Variants in ATL3 observed in about 807,000 individuals in gnomAD.
ATL3 encodes atlastin-3.
Under a neutral mutation model 69.5 loss-of-function variants are expected in ATL3, and 49 were observed. The ratio of observed to expected loss-of-function variants is 0.71; its 90% CI spans 0.56 to 0.89. The LOEUF is 0.89. Ranked by LOEUF, ATL3 falls within the 40% of genes least tolerant of loss-of-function variation. The probability of loss-of-function intolerance (pLI) is 0.00; values close to 1 mark genes in which losing one functional copy is unlikely to be tolerated. For synonymous variants in ATL3, 214 were observed against 224.1 expected (o/e 0.95, Z 0.40); for missense variants, 606 against 645.7 (o/e 0.94, Z 0.67).
chr11:63,652,099 A>G lies in ATL3; in HGVS notation c.511-113T>C, dbSNP rs1940096131. 7 of 1,471,276 alleles carry G rather than the reference A, an allele frequency of 4.8e-6. No homozygotes were observed. The South Asian group carries it at 5.6e-5, about 12-fold the overall frequency. The allele number at this position is 1,471,276 out of a possible 1,614,324, so 91.1% of individuals were successfully genotyped here. On this transcript the variant is annotated intron_variant, in intron 4 of 12. Coordinates refer to ENST00000398868, the MANE Select transcript of ATL3 (RefSeq NM_015459.5). ...CAATTAAAGACTTGCATATAAGAAC[A>G]TGAGGCCTGTTCAAACAGCAATATG...
chr11:63,630,824 C>T (rs2510839), intron 12 of ATL3, among the ~76,000 whole-genome samples: 1 of 148,444 alleles, frequency 6.7e-6, no homozygotes, highest in Non-Finnish European at 1.5e-5. Context: ...AAAAGCGGGG[C>T]GGGGGCCTTT....
intron 1 of ATL3, among the ~76,000 whole-genome samples, chr11:63,669,755 T>C (rs563268761): frequency 2.0e-5 from 3 of 152,034 alleles, no homozygotes; most frequent in African/African-American, 4.8e-5. Context: ...GAGACCAGCC[T>C]GGCCAACGTG....
intron 3 of ATL3, 51 bp from the exon 4 acceptor site, chr11:63,652,626 A>G: frequency 5.8e-6 from 8 of 1,372,434 alleles, no homozygotes; most frequent in Non-Finnish European, 8.2e-6. Context: ...GAAGGAGGAA[A>G]CCGTAAAGGA....
At chr11:63,645,032 G>C (rs1407713190) in intron 6 of ATL3, among the ~76,000 whole-genome samples, 1 of 152,122 alleles carries the variant, frequency 6.6e-6, no homozygotes, top group African/African-American at 2.4e-5. Flanking sequence ...AGTGAGGCGA[G>C]ATCACGCCAC....
intron 5 of ATL3, among the ~76,000 whole-genome samples, chr11:63,648,223 T>C (rs781211770): frequency 1.6e-4 from 24 of 152,188 alleles, no homozygotes; most frequent in Non-Finnish European, 3.2e-4. Flanking sequence ...GTCCACATAG[T>C]GAGCAGTGGG....
intron 1 of ATL3, among the ~76,000 whole-genome samples, chr11:63,670,705 A>G (rs1206367350): frequency 6.6e-6 from 1 of 152,256 alleles, no homozygotes. Flanking sequence ...TATGGGTTGA[A>G]AACCAACTTT....
intron 1 of ATL3, among the ~76,000 whole-genome samples, chr11:63,662,541 A>G (rs1257017079): frequency 5.3e-5 from 8 of 152,206 alleles, no homozygotes; most frequent in Admixed American, 5.2e-4. Context: ...GTGCAATGGC[A>G]CAATCTTGCC....
chr11:63,660,062 T>TA lies in ATL3; in HGVS notation c.47-811dup, dbSNP rs35361123. ...AAAAATAAATAAAATAAAATGTTGT[T>TA]AAAAAAAAAAAGACCCTGTCTCAAA... On this transcript the variant is annotated intron_variant, in intron 1 of 12. Transcript: ENST00000398868. Among the ~76,000 whole-genome samples the TA allele has an allele frequency of 7.1e-3, 1,010 of 141,288 alleles. 10 individuals carry two copies. Among genetic ancestry groups the TA allele is most frequent in the African/African-American group, 0.023 (886 of 38,726 alleles). The allele number at this position is 141,288 out of a possible 152,430, so 92.7% of individuals were successfully genotyped here. A position where few individuals can be genotyped will look rare whatever the true frequency, so the allele number is the denominator to read the frequency against.
rs567304524 is a variant in ATL3 at position 63,643,425 on chromosome 11, G to T, written c.782C>A (p.Thr261Asn). Reference protein sequence around the residue: ...NHIHSCFSDVTCFLLPHPGLQ... With the variant: ...NHIHSCFSDVNCFLLPHPGLQ... Reference sequence around the variant, plus strand: ...TCCTGGATGTGGTAAGAGAAAGCAGGTGACATCGGAGAAACATGAGTGAAT... The same window carrying T: ...TCCTGGATGTGGTAAGAGAAAGCAGTTGACATCGGAGAAACATGAGTGAAT... The change falls in exon 8 of 13, where the codon ACC (threonine) becomes AAC (asparagine). Residue 261 changes from threonine to asparagine, a missense_variant. Thr to Asn is a moderately conservative substitution (Grantham distance 65, BLOSUM62 0). Coordinates refer to ENST00000398868, the MANE Select transcript of ATL3 (RefSeq NM_015459.5). 8.7e-6 allele frequency: 14 copies of T among 1,612,824 alleles called. 1 individual carries two copies. In the East Asian group the frequency reaches 2.0e-4, roughly 23 times the overall value.
At chr11:63,668,731 C>G (rs949308593) in intron 1 of ATL3, among the ~76,000 whole-genome samples, 3 of 146,206 alleles carry the variant, frequency 2.1e-5, no homozygotes. Flanking sequence ...CTCAGTAACA[C>G]TTTTGTATCT....
At chr11:63,633,706 T>C (rs1235626827) in intron 10 of ATL3, among the ~76,000 whole-genome samples, 3 of 115,540 alleles carry the variant, frequency 2.6e-5, no homozygotes, top group Non-Finnish European at 3.4e-5. Context: ...CTTTAAGAAA[T>C]AGATGTGAGT....
At chr11:63,634,311 C>G (rs566575279) in intron 10 of ATL3, among the ~76,000 whole-genome samples, 2 of 151,822 alleles carry the variant, frequency 1.3e-5, no homozygotes, top group African/African-American at 4.8e-5. Flanking sequence ...TCGAGATCAT[C>G]CTGGCTAACA....
At chr11:63,636,103 C>T in intron 9 of ATL3, 104 bp downstream of exon 9, 2 of 1,465,700 alleles carry the variant, frequency 1.4e-6, no homozygotes, top group Admixed American at 4.2e-5. Flanking sequence ...ACCATCTCCC[C>T]CAGAAAATTT....
At chr11:63,659,319 A>C in intron 1 of ATL3, 67 bp from the exon 2 acceptor site, 1 of 1,431,846 alleles carries the variant, frequency 7.0e-7, no homozygotes, top group Non-Finnish European at 9.7e-7. Context: ...TATAGGGAAA[A>C]CAAAAACTTC....
At chr11:63,655,928 A>G (rs1371691292) in intron 3 of ATL3, among the ~76,000 whole-genome samples, 1 of 152,208 alleles carries the variant, frequency 6.6e-6, no homozygotes, top group Non-Finnish European at 1.5e-5. Context: ...ACATACAAAT[A>G]ACATGAACTA....
At chr11:63,661,900 G>A (rs75125604) in intron 1 of ATL3, among the ~76,000 whole-genome samples, 1 of 145,134 alleles carries the variant, frequency 6.9e-6, no homozygotes, top group Non-Finnish European at 1.5e-5. Context: ...AAAAAAAAAA[G>A]TGAAAAGAAA....
At chr11:63,671,260 G>C (rs762082757) in intron 1 of ATL3, 30 bp downstream of exon 1, 2 of 1,563,042 alleles carry the variant, frequency 1.3e-6, no homozygotes. Flanking sequence ...GGGTGGCCGC[G>C]GGGCGATCCA....
At position 63,627,074 on chromosome 11, in the gene ATL3, T is replaced by C. The variant is rs1939137154; in HGVS notation, c.*2245A>G. On this transcript the variant is annotated 3_prime_UTR_variant, in exon 13 of 13. Coordinates refer to ENST00000398868, the MANE Select transcript of ATL3 (RefSeq NM_015459.5). ...TTTCATTAAATCATACATTATCACT[T>C]TTTTTAAAGTGACCTAATACTTTAG... 6.6e-6 allele frequency: 1 copy of C among 152,212 alleles called. No homozygotes were observed. Among genetic ancestry groups the C allele is most frequent in the Non-Finnish European group, 1.5e-5 (1 of 68,032 alleles). The allele number at this position is 152,212 out of a possible 1,614,324, so 9.4% of individuals were successfully genotyped here.
chr11:63,645,682 C>G (rs1281397881), intron 6 of ATL3, among the ~76,000 whole-genome samples: 1 of 152,070 alleles, frequency 6.6e-6, no homozygotes, highest in African/African-American at 2.4e-5. Context: ...CCTTGACCTC[C>G]TAGGCTTAAG....
Sources: allele counts gnomAD v4.1 joint callset (sites outside exome capture counted in the v4.1 genomes callset), GRCh38; gene constraint gnomAD v4.1.1; transcripts MANE v1.5; gene names NCBI Gene and HGNC (gene_info 2026-07-23, HGNC 2026-07-21).